BPTF: variants seen among roughly 807,000 people sequenced by gnomAD.
BPTF encodes the protein bromodomain PHD finger transcription factor.
Under a neutral mutation model 292.5 loss-of-function variants are expected in BPTF, and 18 were observed. The observed-to-expected ratio is 0.06, with a 90% CI of 0.04 to 0.09. BPTF has a LOEUF of 0.09. Among genes scored for constraint, BPTF ranks in the 10% least tolerant of loss-of-function variants. BPTF has a pLI of 1.00. For missense variants in BPTF, 2,726 were observed against 3,498.7 expected, an observed-to-expected ratio of 0.78 and a Z score of 5.57; for synonymous variants, 1,225 against 1,251.9, an observed-to-expected ratio of 0.98 and a Z score of 0.45.
In BPTF at chr17:67,825,789, C is replaced by T. The variant is rs2055933852; in HGVS notation, c.65C>T (p.Pro22Leu). Residue 22 changes from proline (P) to leucine (L), a missense_variant, in exon 1 of 28, where the codon CCG (proline) becomes CTG (leucine). Pro to Leu is a moderately conservative substitution (Grantham distance 98). Coordinates refer to ENST00000306378, the MANE Select transcript of BPTF (RefSeq NM_182641.4). ...PAAPAAERCA[P>L]APPPPPPPPT... ...GCTCCCGCTGCGGAGCGCTGCGCCC[C>T]GGCCCCGCCGCCACCGCCGCCGCCG... The T allele has an allele frequency of 1.9e-6, 2 of 1,037,266 alleles. No homozygotes were observed. The highest frequency in any genetic ancestry group is 4.4e-5 in the South Asian group (1 of 22,626). The allele number at this position is 1,037,266 out of a possible 1,614,324, so 64.3% of individuals were successfully genotyped here. A position where few individuals can be genotyped will look rare whatever the true frequency, so the allele number is the denominator to read the frequency against.
At chr17:67,963,250 A>G (rs2067693962) in intron 24 of BPTF, 7 of 1,385,296 alleles carry the variant, frequency 5.1e-6, no homozygotes, top group South Asian at 1.6e-5. Flanking sequence ...TAAAAAAGTG[A>G]ATCAAGGCAG....
intron 18 of BPTF, among the ~76,000 whole-genome samples, chr17:67,934,558 C>T (rs1448361420): frequency 6.6e-6 from 1 of 151,058 alleles, no homozygotes; most frequent in Non-Finnish European, 1.5e-5. Flanking sequence ...AGATATTATA[C>T]TAATAATCTT....
intron 1 of BPTF, among the ~76,000 whole-genome samples, chr17:67,851,898 C>A (rs1397235992): frequency 6.8e-6 from 1 of 147,968 alleles, no homozygotes. Flanking sequence ...CCTTTCCTTG[C>A]TAACTAGTGA....
At chr17:67,845,483 A>G (rs2057962558) in intron 1 of BPTF, among the ~76,000 whole-genome samples, 1 of 152,210 alleles carries the variant, frequency 6.6e-6, no homozygotes, top group Non-Finnish European at 1.5e-5. Context: ...TCATTGTGAA[A>G]AACAAGAGGG....
chr17:67,943,728 A>G lies in BPTF; in HGVS notation c.6478-422A>G, dbSNP rs541842783. On this transcript the variant is annotated intron_variant, in intron 19 of 27. Transcript: ENST00000306378. ...AATCAGAAGAATATTTTCTCTGCCT[A>G]CCCCATAAAGTCACAAGTCCATTGT... 3.3e-5 allele frequency among the ~76,000 whole-genome samples: 5 copies of G among 152,156 alleles called. No individual in the cohort carries two copies. The South Asian group carries it at 6.2e-4, about 19-fold the overall frequency.
chr17:67,979,396 A>G (rs1555695794), intron 27 of BPTF, among the ~76,000 whole-genome samples: 2 of 151,738 alleles, frequency 1.3e-5, no homozygotes, highest in Admixed American at 6.6e-5. Context: ...AAAGTACAAA[A>G]ATTAGCCAGG....
At chr17:67,978,094 T>G (rs1555694956) in intron 27 of BPTF, 4 of 151,692 alleles carry the variant, frequency 2.6e-5, no homozygotes, top group Admixed American at 2.6e-4. Context: ...CCTCAGGTGT[T>G]CTGCCCACCT....
intron 1 of BPTF, among the ~76,000 whole-genome samples, chr17:67,844,309 G>A (rs189675538): frequency 6.7e-6 from 1 of 148,472 alleles, no homozygotes; most frequent in East Asian, 2.1e-4. Flanking sequence ...GTGCAGTGGC[G>A]CAATCTCCGC....
intron 1 of BPTF, among the ~76,000 whole-genome samples, chr17:67,827,413 C>G (rs1200981014): frequency 2.6e-5 from 4 of 152,066 alleles, no homozygotes; most frequent in Non-Finnish European, 5.9e-5. Flanking sequence ...TGAAACACCC[C>G]CGGCCCCCCG....
chr17:67,900,078 C>G (rs887137291), intron 7 of BPTF, among the ~76,000 whole-genome samples: 1 of 151,916 alleles, frequency 6.6e-6, no homozygotes, highest in African/African-American at 2.4e-5. Flanking sequence ...CCTCCAGCAC[C>G]TAGGAATAAT....
Position 67,945,488 on chromosome 17 carries a change from A to G in BPTF, c.6780A>G (p.Ser2260=). 1.2e-6 allele frequency: 2 copies of G among 1,614,112 alleles called. No homozygotes were observed. The highest frequency in any genetic ancestry group is 8.5e-7 in the Non-Finnish European group (1 of 1,180,032). ...HQDKTLPPAQ[S]SSVGPAEAQP... is the part of the protein sequence containing the mutation. The stretch of plus-strand genomic sequence containing the variant: ...ACAAAACCCTGCCACCAGCTCAGTC[A>G]TCAAGTGTGGGTCCAGCAGAAGCCC... The change falls in exon 21 of 28, where the codon TCA becomes TCG. Residue 2260 remains serine (S), a synonymous_variant. Coordinates refer to ENST00000306378, the MANE Select transcript of BPTF (RefSeq NM_182641.4).
rs916556093 is a variant in BPTF at position 67,832,255 on chromosome 17, T to TA, written c.613+5930dup. Among the ~76,000 whole-genome samples the TA allele has an allele frequency of 1.6e-3, 241 of 146,328 alleles. 1 individual carries two copies. Among genetic ancestry groups the TA allele is most frequent in the African/African-American group, 4.9e-3 (194 of 39,830 alleles). ...TCAGGAGGCAGCATGTTTCTTAATT[T>TA]AAAAAAAAAAAACCACTTATACATT... On this transcript the variant is annotated intron_variant, in intron 1 of 27. Transcript: ENST00000306378.
At chr17:67,919,951 T>G in intron 12 of BPTF, 64 bp from the exon 13 acceptor site, 1 of 1,496,516 alleles carries the variant, frequency 6.7e-7, no homozygotes, top group Non-Finnish European at 9.1e-7. Context: ...AAGCACCAGA[T>G]GTACCTTTTT....
intron 7 of BPTF, among the ~76,000 whole-genome samples, chr17:67,896,169 A>T (rs554399647): frequency 6.6e-6 from 1 of 152,074 alleles, no homozygotes; most frequent in Non-Finnish European, 1.5e-5. Flanking sequence ...TCACCGTGTT[A>T]GCCAGGATGG....
chr17:67,912,994 G>T lies in BPTF; in HGVS notation c.5110G>T (p.Ala1704Ser). The change falls in exon 11 of 28, where the codon GCT becomes TCT. Residue 1704 changes from alanine (A) to serine (S), a missense_variant. Physicochemically the swap from Ala to Ser is moderately conservative, Grantham distance 99. Around this residue, in one of 22 missense-constraint regions of BPTF, gnomAD observed 24 missense variants for 57.5 expected, o/e 0.42. Transcript: ENST00000306378. ...ACCAAAGAAGACTCGTTCAGGTACAGCTCTGCCATCCTATAGAAAATTTGT... is the reference window on the plus strand; with the variant it reads ...ACCAAAGAAGACTCGTTCAGGTACATCTCTGCCATCCTATAGAAAATTTGT... ...SRPKKTRSGT[A>S]LPSYRKFVTK... 6.2e-7 allele frequency: 1 copy of T among 1,614,190 alleles called. No individual in the cohort carries two copies.
intron 13 of BPTF, among the ~76,000 whole-genome samples, chr17:67,920,525 A>G (rs2063361329): frequency 6.6e-6 from 1 of 152,206 alleles, no homozygotes; most frequent in Non-Finnish European, 1.5e-5. Context: ...GATTAAAACT[A>G]CTGTGAAATA....
intron 24 of BPTF, among the ~76,000 whole-genome samples, 194 bp from the exon 25 acceptor site, chr17:67,964,018 A>G (rs1424251213): frequency 4.6e-5 from 7 of 152,138 alleles, no homozygotes; most frequent in African/African-American, 1.7e-4. Flanking sequence ...GTTCTTATAA[A>G]TTTTTTTACT....
At chr17:67,977,593 C>G (rs1555694683) in intron 27 of BPTF, 4 of 151,792 alleles carry the variant, frequency 2.6e-5, no homozygotes. Context: ...CCTGTAATCC[C>G]AGCACTTTGG....
rs11327848 is a variant in BPTF, at chr17:67,910,811, T to A, written c.2993-66T>A. 1,151 of 637,688 alleles carry A rather than the reference T, an allele frequency of 1.8e-3. 1 individual carries two copies. In the East Asian group the frequency reaches 0.03, roughly 17 times the overall value. The allele number at this position is 637,688 out of a possible 1,614,324, so 39.5% of individuals were successfully genotyped here. A position where few individuals can be genotyped will look rare whatever the true frequency, so the allele number is the denominator to read the frequency against. On this transcript the variant is annotated intron_variant, in intron 10 of 27. Coordinates refer to ENST00000306378, the MANE Select transcript of BPTF (RefSeq NM_182641.4). ...TGAGACTCCATCTCAAAAAAAAAAA[T>A]ATATATATATAAATTCCTCCTTTCA...
Sources: allele counts gnomAD v4.1 joint callset (sites outside exome capture counted in the v4.1 genomes callset), GRCh38; gene constraint gnomAD v4.1.1; regional missense constraint gnomAD v4.1.1; transcripts MANE v1.5; gene names NCBI Gene and HGNC (gene_info 2026-07-23, HGNC 2026-07-21).